The following CADM2 variants were observed in gnomAD, a reference collection of about 807,000 sequenced individuals.
CADM2 encodes the protein cell adhesion molecule 2.
CADM2 carries 12 observed loss-of-function variants against 49.8 expected under a neutral mutation model. The ratio of observed to expected loss-of-function variants is 0.24; its 90% confidence interval spans 0.15 to 0.39. CADM2 has a LOEUF of 0.39. Among genes scored for constraint, CADM2 ranks in the 10% least tolerant of loss-of-function variants. The pLI is 1.00. For synonymous variants in CADM2, 214 were observed against 175.4 expected (o/e 1.22, Z -1.74); for missense variants, 378 against 492.3 (o/e 0.77, Z 2.20).
At chr3:85,799,861 A>T (rs1347536589) in intron 2 of CADM2, 1 of 152,590 alleles carries the variant, frequency 6.6e-6, no homozygotes, top group Non-Finnish European at 1.5e-5. Flanking sequence ...AGGCATGGGT[A>T]TCAGGGACCC....
At chr3:85,879,992 T>G (rs1712498946) in intron 3 of CADM2, among the ~76,000 whole-genome samples, 1 of 152,182 alleles carries the variant, frequency 6.6e-6, no homozygotes, top group Non-Finnish European at 1.5e-5. Flanking sequence ...GCCACACCCA[T>G]GTCCCTCTAC....
intron 3 of CADM2, among the ~76,000 whole-genome samples, chr3:85,813,712 T>C (rs2073029790): frequency 6.6e-6 from 1 of 152,220 alleles, no homozygotes; most frequent in Non-Finnish European, 1.5e-5. Flanking sequence ...AGTTGTTTTT[T>C]GTATAAGGTG....
intron 1 of CADM2, among the ~76,000 whole-genome samples, chr3:85,496,134 A>G (rs1168894389): frequency 6.6e-6 from 1 of 152,118 alleles, no homozygotes. Flanking sequence ...TTGGGCTTCT[A>G]TTGATCCCAT....
chr3:85,552,809 T>A (rs189199590), intron 1 of CADM2, among the ~76,000 whole-genome samples: 1 of 152,142 alleles, frequency 6.6e-6, no homozygotes, highest in African/African-American at 2.4e-5. Flanking sequence ...TCCAAGTAGC[T>A]GGGACTACAG....
chr3:85,207,677 G>A (rs2041680941), intron 1 of CADM2, among the ~76,000 whole-genome samples: 4 of 152,066 alleles, frequency 2.6e-5, no homozygotes, highest in Admixed American at 2.6e-4. Flanking sequence ...AGGTGAAAAC[G>A]AAATAAAGAC....
chr3:85,879,424 G>A (rs1016432466), intron 3 of CADM2, among the ~76,000 whole-genome samples: 1 of 152,014 alleles, frequency 6.6e-6, no homozygotes, highest in Non-Finnish European at 1.5e-5. Context: ...TTTATTATTT[G>A]AGTGTATGGG....
At chr3:85,657,891 G>A (rs2065263180) in intron 1 of CADM2, among the ~76,000 whole-genome samples, 1 of 151,482 alleles carries the variant, frequency 6.6e-6, no homozygotes, top group Admixed American at 6.6e-5. Flanking sequence ...AGATGTAATT[G>A]GTTAAGGTAA....
intron 1 of CADM2, among the ~76,000 whole-genome samples, chr3:85,650,371 CAT>C (rs1240957799): frequency 6.6e-6 from 1 of 151,952 alleles, no homozygotes; most frequent in Non-Finnish European, 1.5e-5. Context: ...AAAGTACTGA[CAT>C]GGGGAAGTTT....
At chr3:85,354,954 A>G (rs2031728138) in intron 1 of CADM2, among the ~76,000 whole-genome samples, 1 of 152,128 alleles carries the variant, frequency 6.6e-6, no homozygotes, top group African/African-American at 2.4e-5. Flanking sequence ...ATTTGTCTTC[A>G]CGGAAACCCA....
intron 8 of CADM2, chr3:85,994,493 T>A (rs998010291): frequency 1.3e-5 from 2 of 152,188 alleles, no homozygotes; most frequent in African/African-American, 4.8e-5. Context: ...GCACTTTTCA[T>A]CTCCTTCAAG....
At chr3:85,784,711 T>C (rs1423435057) in intron 2 of CADM2, among the ~76,000 whole-genome samples, 1 of 152,178 alleles carries the variant, frequency 6.6e-6, no homozygotes, top group African/African-American at 2.4e-5. Context: ...GATTTTTGCA[T>C]CTATGTTCAT....
intron 1 of CADM2, among the ~76,000 whole-genome samples, chr3:85,496,687 C>T (rs1013523108): frequency 6.6e-6 from 1 of 152,158 alleles, no homozygotes; most frequent in Admixed American, 6.5e-5. Flanking sequence ...CTTTTCTCCA[C>T]AGGCTTACCT....
rs532528733 is a variant in CADM2 at position 85,394,507 on chromosome 3, A to G, written c.62-332015A>G. Reference sequence around the variant, plus strand: ...TTTTATTTAGTTTTACATGTAAATAATTCATTTTCAATTGTAAAAGCAATA... The same window carrying G: ...TTTTATTTAGTTTTACATGTAAATAGTTCATTTTCAATTGTAAAAGCAATA... On this transcript the variant is annotated intron_variant, in intron 1 of 9. Transcript: ENST00000383699. 9.1e-4 allele frequency among the ~76,000 whole-genome samples: 139 copies of G among 152,288 alleles called. 3 individuals are homozygous for G. The highest frequency in any genetic ancestry group is 1.7e-3 in the South Asian group (8 of 4,826).
At chr3:85,383,716 T>A (rs2034044847) in intron 1 of CADM2, among the ~76,000 whole-genome samples, 1 of 151,108 alleles carries the variant, frequency 6.6e-6, no homozygotes, top group Non-Finnish European at 1.5e-5. Context: ...ACAATATATT[T>A]AAACTTTTTA....
chr3:85,452,959 A>G (rs1443047522), intron 1 of CADM2, among the ~76,000 whole-genome samples: 1 of 152,196 alleles, frequency 6.6e-6, no homozygotes, highest in Non-Finnish European at 1.5e-5. Flanking sequence ...ACAGAAAAAT[A>G]TACACACACA....
At chr3:85,860,558 G>T (rs960656522) in intron 3 of CADM2, among the ~76,000 whole-genome samples, 1 of 152,176 alleles carries the variant, frequency 6.6e-6, no homozygotes, top group African/African-American at 2.4e-5. Flanking sequence ...GCAAGTCCAA[G>T]ATCAAGTTCC....
chr3:85,108,945 A>C (rs2107564101), intron 1 of CADM2, among the ~76,000 whole-genome samples: 1 of 152,214 alleles, frequency 6.6e-6, no homozygotes, highest in South Asian at 2.1e-4. Context: ...AGTTAACTAA[A>C]ACCCTAAATA....
intron 3 of CADM2, among the ~76,000 whole-genome samples, chr3:85,872,214 C>G (rs1226430275): frequency 2.6e-5 from 4 of 152,118 alleles, no homozygotes; most frequent in African/African-American, 9.7e-5. Context: ...GACTTTGAAG[C>G]AGTACATATC....
rs141766788 is a variant in CADM2 at position 85,509,497 on chromosome 3, C to T, written c.62-217025C>T. On this transcript the variant is annotated intron_variant, in intron 1 of 9. Coordinates refer to ENST00000383699, the MANE Select transcript of CADM2 (RefSeq NM_001167675.2). ...ACTGCATTTCAGAAAAATAGGTATA[C>T]ACACAATTAAATGACATGTTTAACA... 2.5e-3 allele frequency among the ~76,000 whole-genome samples: 381 copies of T among 152,150 alleles called. 2 individuals carry two copies. Among genetic ancestry groups the T allele is most frequent in the African/African-American group, 8.5e-3 (352 of 41,504 alleles).
Sources: gnomAD v4.1 joint callset for allele counts (sites outside exome capture counted in the v4.1 genomes callset) on GRCh38, gnomAD v4.1.1 for gene constraint, MANE v1.5 for transcripts, NCBI Gene and HGNC (gene_info 2026-07-23, HGNC 2026-07-21) for gene names.